DNAAF5: variants seen among roughly 807,000 people sequenced by gnomAD.
The protein encoded by DNAAF5 is HEAT repeat containing 2.
DNAAF5 carries 64 observed loss-of-function variants against 75.8 expected under a neutral mutation model. The observed-to-expected ratio is 0.84, with a 90% CI of 0.69 to 1.04. The LOEUF is 1.04. DNAAF5 is among the 50% of genes least tolerant of loss of function. The pLI, the probability that DNAAF5 is intolerant of heterozygous loss-of-function variation, is 0.00. For synonymous variants in DNAAF5, 657 were observed against 557.2 expected, an observed-to-expected ratio of 1.18 and a Z score of -2.52; for missense variants, 1,269 against 1,178.5, an observed-to-expected ratio of 1.08 and a Z score of -1.12.
At position 729,533 on chromosome 7, in the gene DNAAF5, C is replaced by G. The variant is rs1781492997; in HGVS notation, c.596-130C>G. 3.7e-6 allele frequency: 3 copies of G among 807,750 alleles called. No homozygotes were observed. In the South Asian group the frequency reaches 5.2e-5, roughly 14 times the overall value. 50.0% of individuals were successfully genotyped at this position (807,750 alleles called of 1,614,324 possible). A position where few individuals can be genotyped will look rare whatever the true frequency, so the allele number is the denominator to read the frequency against. On this transcript the variant is annotated intron_variant, in intron 1 of 12. Coordinates refer to ENST00000297440, the MANE Select transcript of DNAAF5 (RefSeq NM_017802.4). ...CCTGGATTGTGTACTGTTCATGCAGCAAGGACCTGGCGTAGGAGAGGAAGG... is the reference window on the plus strand; with the variant it reads ...CCTGGATTGTGTACTGTTCATGCAGGAAGGACCTGGCGTAGGAGAGGAAGG...
Position 730,272 on chromosome 7 carries a change from G to A in DNAAF5, c.780+425G>A, listed in dbSNP as rs897081033. ...TGGGCTTTGGAACCCACCAAGAGAC[G>A]GGCAGGCAGGCAGGCAGGAGTCCTA... On this transcript the variant is annotated intron_variant, in intron 2 of 12. Coordinates refer to ENST00000297440, the MANE Select transcript of DNAAF5 (RefSeq NM_017802.4). 2.1e-4 allele frequency among the ~76,000 whole-genome samples: 32 copies of A among 152,012 alleles called. 1 individual carries two copies. Among genetic ancestry groups the A allele is most frequent in the African/African-American group, 2.2e-4 (9 of 41,360 alleles).
chr7:770,913 C>T (rs1189629013), intron 9 of DNAAF5: 9 of 319,040 alleles, frequency 2.8e-5, no homozygotes, highest in Admixed American at 8.6e-5. Context: ...GTGCAGTGAC[C>T]CCTGAGCTTA....
intron 12 of DNAAF5, among the ~76,000 whole-genome samples, chr7:784,967 A>G (rs1024471020): frequency 6.6e-6 from 1 of 152,112 alleles, no homozygotes; most frequent in South Asian, 2.1e-4. Context: ...ACCATGCAGC[A>G]TCAGGTCACT....
chr7:736,315 C>T (rs2087372086), intron 2 of DNAAF5, among the ~76,000 whole-genome samples: 2 of 152,230 alleles, frequency 1.3e-5, no homozygotes, highest in South Asian at 4.1e-4. Flanking sequence ...ATTGAAGCCT[C>T]TAGCTGTTAC....
At chr7:741,748 A>G (rs1781918212) in intron 4 of DNAAF5, among the ~76,000 whole-genome samples, 2 of 152,156 alleles carry the variant, frequency 1.3e-5, no homozygotes. Context: ...TGTCCAGCGC[A>G]CTGCCAGATG....
rs1215169746 is a variant in DNAAF5, at chr7:775,002, G to A, written c.2083-4G>A. The A allele has an allele frequency of 3.7e-6, 6 of 1,613,762 alleles. No homozygotes were observed. The highest frequency in any genetic ancestry group is 1.7e-4 in the Middle Eastern group (1 of 6,016). Reference sequence around the variant, plus strand: ...GTCACGTCGTATGTGTTTGCTGATTGCAGATACGGGACGTGCAGGAAACAC... The same window carrying A: ...GTCACGTCGTATGTGTTTGCTGATTACAGATACGGGACGTGCAGGAAACAC... On this transcript the variant is annotated splice_polypyrimidine_tract_variant and splice_region_variant and intron_variant, in intron 10 of 12. Transcript: ENST00000297440.
intron 4 of DNAAF5, among the ~76,000 whole-genome samples, chr7:745,696 C>T (rs1416660952): frequency 1.3e-5 from 2 of 152,224 alleles, no homozygotes; most frequent in African/African-American, 4.8e-5. Flanking sequence ...CACATCTGCA[C>T]ACGTGTGTAC....
chr7:757,666 G>A (rs900372397), intron 6 of DNAAF5, among the ~76,000 whole-genome samples: 2 of 152,256 alleles, frequency 1.3e-5, no homozygotes, highest in African/African-American at 4.8e-5. Flanking sequence ...ATCCATAGTT[G>A]TATTCCATGG....
Position 729,756 on chromosome 7 carries a change from C to T in DNAAF5, c.689C>T (p.Ala230Val), listed in dbSNP as rs778291153. 2 of 1,614,212 alleles carry T rather than the reference C, an allele frequency of 1.2e-6. No individual in the cohort carries two copies. The highest frequency in any genetic ancestry group is 1.1e-5 in the South Asian group (1 of 91,082). Residue 230 changes from alanine (A) to valine (V), a missense_variant, in exon 2 of 13, where the codon GCC becomes GTC. By Grantham distance (64) the Ala-to-Val change is moderately conservative. Coordinates refer to ENST00000297440, the MANE Select transcript of DNAAF5 (RefSeq NM_017802.4). ...AAGGTCCGTGTGGCCGCCATTGAAG[C>T]CACAGGCGCAGTGATCCATTTTGGC... ...HWKVRVAAIE[A>V]TGAVIHFGNG...
At chr7:733,231 GT>G (rs1781638556) in intron 2 of DNAAF5, among the ~76,000 whole-genome samples, 1 of 152,086 alleles carries the variant, frequency 6.6e-6, no homozygotes, top group African/African-American at 2.4e-5. Context: ...CCAGTTTTTT[GT>G]TTGTTTTTGT....
chr7:753,037 A>G, intron 4 of DNAAF5, among the ~76,000 whole-genome samples: 1 of 152,266 alleles, frequency 6.6e-6, no homozygotes, highest in Non-Finnish European at 1.5e-5. Context: ...ACTGCTTTCA[A>G]TTCAAGACTG....
chr7:780,460 C>A (rs768847674), intron 12 of DNAAF5, among the ~76,000 whole-genome samples: 22 of 152,234 alleles, frequency 1.4e-4, no homozygotes, highest in Non-Finnish European at 3.1e-4. Flanking sequence ...CTTTCCAAAA[C>A]AAAATCATCT....
intron 12 of DNAAF5, 102 bp downstream of exon 12, chr7:780,246 A>C: frequency 9.2e-7 from 1 of 1,092,072 alleles, no homozygotes; most frequent in Non-Finnish European, 1.3e-6. Flanking sequence ...GCCCTGGGGC[A>C]CAGGAGGGGC....
At chr7:762,682 C>T (rs1052949695) in intron 7 of DNAAF5, among the ~76,000 whole-genome samples, 17 of 152,028 alleles carry the variant, frequency 1.1e-4, no homozygotes, top group Non-Finnish European at 1.9e-4. Context: ...GGCGCGATCT[C>T]GGCTCACTGC....
At chr7:743,418 G>A (rs1301816484) in intron 4 of DNAAF5, among the ~76,000 whole-genome samples, 1 of 151,950 alleles carries the variant, frequency 6.6e-6, no homozygotes, top group African/African-American at 2.4e-5. Context: ...GTCTGGTATT[G>A]ATGTTTGGTG....
chr7:772,359 T>C (rs955436153), intron 9 of DNAAF5: 8 of 152,276 alleles, frequency 5.3e-5, no homozygotes, highest in Admixed American at 1.3e-4. Context: ...TTGAGCATCA[T>C]GTCAGTGCTC....
At chr7:740,157 C>T (rs1454108430) in intron 2 of DNAAF5, among the ~76,000 whole-genome samples, 2 of 152,182 alleles carry the variant, frequency 1.3e-5, no homozygotes, top group Admixed American at 6.5e-5. Flanking sequence ...TTCCCGCTTC[C>T]CTTAAGGAGT....
chr7:768,151 G>A (rs1220952431), intron 8 of DNAAF5, among the ~76,000 whole-genome samples: 1 of 95,722 alleles, frequency 1.0e-5, no homozygotes, highest in African/African-American at 4.6e-5. Context: ...GAGCGCTCGC[G>A]GCTGGGAGCG....
chr7:775,819 GCGT>G (rs1562400198), intron 11 of DNAAF5, among the ~76,000 whole-genome samples: 1 of 151,840 alleles, frequency 6.6e-6, no homozygotes, highest in African/African-American at 2.4e-5. Context: ...CGTGAAGGAA[GCGT>G]CGTGTGGATG....
Sources: gnomAD v4.1 joint callset for allele counts (sites outside exome capture counted in the v4.1 genomes callset) on GRCh38, gnomAD v4.1.1 for gene constraint, MANE v1.5 for transcripts, NCBI Gene and HGNC (gene_info 2026-07-23, HGNC 2026-07-21) for gene names.